The following SRRT variants were observed in gnomAD, a reference collection of about 807,000 sequenced individuals.
SRRT encodes the protein serrate RNA effector molecule homolog.
Under a neutral mutation model 103.2 loss-of-function variants are expected in SRRT, and 32 were observed. The ratio of observed to expected loss-of-function variants is 0.31; its 90% CI spans 0.23 to 0.42. The LOEUF (loss-of-function observed/expected upper bound fraction) is 0.42, where lower values mean the gene tolerates loss of function less well. SRRT is among the 10% of genes least tolerant of loss of function. The pLI is 1.00. For synonymous variants in SRRT, 525 were observed against 449.0 expected (o/e 1.17, Z -2.14); for missense variants, 986 against 1,207.5 (o/e 0.82, Z 2.72).
At position 100,885,463 on chromosome 7, in the gene SRRT, G is replaced by T; in HGVS notation, c.1317+93G>T. On this transcript the variant is annotated intron_variant, in intron 10 of 19. Transcript: ENST00000611405. This position sits in a 1 kb window ranked among gnomAD's most constrained non-coding sequence, Gnocchi z 4.8. ...GGCCCTGCCTGTGACAGATGCCCCC[G>T]TTTCACCTGCTAGGGAGGCCCCTTC... 1 of 1,188,042 alleles carries T rather than the reference G, an allele frequency of 8.4e-7. No homozygotes were observed. The highest frequency in any genetic ancestry group is 1.2e-6 in the Non-Finnish European group (1 of 866,710). The allele number at this position is 1,188,042 out of a possible 1,614,324, so 73.6% of individuals were successfully genotyped here. A position where few individuals can be genotyped will look rare whatever the true frequency, so the allele number is the denominator to read the frequency against.
intron 5 of SRRT, among the ~76,000 whole-genome samples, chr7:100,883,836 C>G (rs951272989): frequency 1.3e-5 from 2 of 152,212 alleles, no homozygotes; most frequent in Non-Finnish European, 2.9e-5. Context: ...TTCCCAAATC[C>G]AGAGCTCTTA....
At chr7:100,883,490 C>T (rs1789777543) in intron 5 of SRRT, among the ~76,000 whole-genome samples, 3 of 152,238 alleles carry the variant, frequency 2.0e-5, no homozygotes, top group Non-Finnish European at 4.4e-5. Context: ...ACCTGAGGCT[C>T]TAAAGGGCAC....
chr7:100,886,993 TG>T (rs1467720429), intron 14 of SRRT, 25 bp downstream of exon 14: 2 of 1,609,938 alleles, frequency 1.2e-6, no homozygotes, highest in Non-Finnish European at 1.7e-6. Context: ...GCGGGGCACG[TG>T]GGGGCTCGGG....
Position 100,886,273 on chromosome 7 carries a change from T to C in SRRT, c.1485T>C (p.Gly495=). The C allele has an allele frequency of 6.2e-7, 1 of 1,612,578 alleles. No individual in the cohort carries two copies. The highest frequency in any genetic ancestry group is 8.5e-7 in the Non-Finnish European group (1 of 1,179,944). ...TCCGGGAGTGTGAGCTGAGCCCTGG[T>C]GTGAACAGGGACCTGACCCGGCGCG... The part of the protein sequence containing the change: ...IRLRECELSP[G]VNRDLTRRVR... Residue 495 remains glycine, a synonymous_variant, in exon 13 of 20, where the codon GGT becomes GGC. Transcript: ENST00000611405.
intron 2 of SRRT, among the ~76,000 whole-genome samples, chr7:100,876,222 G>A (rs2115692239): frequency 1.3e-5 from 2 of 152,260 alleles, no homozygotes; most frequent in South Asian, 4.1e-4. Context: ...CGCAATCTTG[G>A]CTCACTGCAA....
intron 2 of SRRT, 188 bp downstream of exon 2, chr7:100,875,900 C>T (rs1015912836): frequency 2.1e-5 from 13 of 622,088 alleles, no homozygotes; most frequent in Non-Finnish European, 3.0e-5. Flanking sequence ...TTTTGAAATT[C>T]TCTGCAGATC....
intron 2 of SRRT, 51 bp from the exon 3 acceptor site, chr7:100,881,234 A>G (rs766678160): frequency 6.3e-7 from 1 of 1,579,046 alleles, no homozygotes. Context: ...GATTACAGGC[A>G]TGAGCCACTG....
chr7:100,880,722 G>A, intron 2 of SRRT: 1 of 436,996 alleles, frequency 2.3e-6, no homozygotes, highest in Non-Finnish European at 4.6e-6. Context: ...TGTCACCCGG[G>A]CTGAGTGCAC....
At position 100,887,753 on chromosome 7, in the gene SRRT, T is replaced by C; in HGVS notation, c.2220T>C (p.Ile740=). 1 of 1,613,536 alleles carries C rather than the reference T, an allele frequency of 6.2e-7. No homozygotes were observed. Among genetic ancestry groups the C allele is most frequent in the South Asian group, 1.1e-5 (1 of 91,066 alleles). ...TCTTCAACAAGCATGCAGAGAAAAT[T>C]GAGGAAGTGAAAAAGGAAGTCGCGT... ...KHIFNKHAEK[I]EEVKKEVAFF... is the part of the protein sequence containing the mutation. Residue 740 remains isoleucine, a synonymous_variant, in exon 17 of 20, where the codon ATT becomes ATC. Transcript: ENST00000611405. The surrounding 1 kb of genome is among the most constrained non-coding windows in gnomAD (Gnocchi z 4.1).
chr7:100,888,002 C>T (rs553804627), intron 17 of SRRT, 40 bp from the exon 18 acceptor site: 1 of 1,524,770 alleles, frequency 6.6e-7, no homozygotes. Context: ...CCGTATCCCC[C>T]TCCCCGCCCC....
At chr7:100,883,140 C>G (rs933229497) in intron 5 of SRRT, 1 of 152,494 alleles carries the variant, frequency 6.6e-6, no homozygotes, top group Non-Finnish European at 1.5e-5. Context: ...TCTTCTGCCC[C>G]ACTCGTGGTT....
Position 100,887,920 on chromosome 7 carries a change from T to C in SRRT, c.2326+61T>C. On this transcript the variant is annotated intron_variant, in intron 17 of 19. Transcript: ENST00000611405. This position sits in a 1 kb window ranked among gnomAD's most constrained non-coding sequence, Gnocchi z 4.1. ...TTCCTTGACTACCCAGGGACTCCTGTTTCTCTTTAACGTGTCACCCCGAGA... is the reference window on the plus strand; with the variant it reads ...TTCCTTGACTACCCAGGGACTCCTGCTTCTCTTTAACGTGTCACCCCGAGA... 6.4e-7 allele frequency: 1 copy of C among 1,563,248 alleles called. No individual in the cohort carries two copies. The highest frequency in any genetic ancestry group is 8.7e-7 in the Non-Finnish European group (1 of 1,150,634).
At position 100,888,238 on chromosome 7, in the gene SRRT, A is replaced by G. The variant is rs2115921462; in HGVS notation, c.2429-19A>G. On this transcript the variant is annotated intron_variant, in intron 18 of 19. Transcript: ENST00000611405. ...ATTGAGGACATAGTTTTGCAACTCAACACTGATCTCTGTCATAGCTGGTGC... is the reference window on the plus strand; with the variant it reads ...ATTGAGGACATAGTTTTGCAACTCAGCACTGATCTCTGTCATAGCTGGTGC... The G allele has an allele frequency of 6.2e-7, 1 of 1,605,590 alleles. No homozygotes were observed. The highest frequency in any genetic ancestry group is 8.5e-7 in the Non-Finnish European group (1 of 1,174,264).
rs1816306970 is a variant in SRRT at position 100,881,388 on chromosome 7, C to T, written c.226C>T (p.Pro76Ser). 1.2e-5 allele frequency: 19 copies of T among 1,613,788 alleles called. No homozygotes were observed. The highest frequency in any genetic ancestry group is 1.6e-5 in the Non-Finnish European group (19 of 1,179,784). Residue 76 changes from proline to serine, a missense_variant, in exon 3 of 20, where the codon CCA becomes TCA. Physicochemically the swap from Pro to Ser is moderately conservative, Grantham distance 74. Around this residue, in one of 6 missense-constraint regions of SRRT, gnomAD observed 274 missense variants for 358.5 expected, o/e 0.76. Coordinates refer to ENST00000611405, the MANE Select transcript of SRRT (RefSeq NM_015908.6). ...FSPPRHELSP[P>S]QKRMRRDWDE... is the part of the protein sequence containing the mutation. The stretch of plus-strand genomic sequence containing the variant: ...GCCACCTCGCCACGAACTCAGCCCG[C>T]CACAGAAGCGCATGAGGAGAGACTG...
Position 100,885,066 on chromosome 7 carries a change from TGC to T in SRRT, c.1159+28_1159+29del, listed in dbSNP as rs1563020810. 6.2e-7 allele frequency: 1 copy of T among 1,613,144 alleles called. No individual in the cohort carries two copies. The stretch of plus-strand genomic sequence containing the variant: ...GTAGGGTTTCTTTTCTGCTTTAAAG[TGC>T]GTTCTCCTAATGCGGGTGGGGAGGT... On this transcript the variant is annotated intron_variant, in intron 9 of 19. Coordinates refer to ENST00000611405, the MANE Select transcript of SRRT (RefSeq NM_015908.6). The surrounding 1 kb of genome is among the most constrained non-coding windows in gnomAD (Gnocchi z 4.8).
At position 100,887,079 on chromosome 7, in the gene SRRT, C is replaced by T. The variant is rs765305318; in HGVS notation, c.1854C>T (p.Ile618=). The T allele has an allele frequency of 2.4e-5, 39 of 1,614,122 alleles. No homozygotes were observed. The highest frequency in any genetic ancestry group is 1.6e-4 in the Middle Eastern group (1 of 6,084). Residue 618 remains isoleucine (I), a synonymous_variant, in exon 15 of 20, where the codon ATC becomes ATT. Coordinates refer to ENST00000611405, the MANE Select transcript of SRRT (RefSeq NM_015908.6). The surrounding 1 kb of genome is among the most constrained non-coding windows in gnomAD (Gnocchi z 4.1). ...ACAAGCTCCTCCTTTACCTGCGCAT[C>T]GTGCATTCCTTGGATTATTACAACA... ...VLDKLLLYLR[I]VHSLDYYNTC...
At chr7:100,877,683 G>A (rs1815880373) in intron 2 of SRRT, among the ~76,000 whole-genome samples, 1 of 151,638 alleles carries the variant, frequency 6.6e-6, no homozygotes, top group African/African-American at 2.4e-5. Flanking sequence ...CACTCTGCCT[G>A]GCTAATTTTT....
At chr7:100,876,262 C>T (rs910713691) in intron 2 of SRRT, among the ~76,000 whole-genome samples, 2 of 152,222 alleles carry the variant, frequency 1.3e-5, no homozygotes, top group Admixed American at 6.5e-5. Context: ...AGTAATTCTC[C>T]TGCCTCAGCC....
Position 100,888,374 on chromosome 7 carries a change from C to T in SRRT, c.2546C>T (p.Pro849Leu), listed in dbSNP as rs1380991569. 5 of 1,613,912 alleles carry T rather than the reference C, an allele frequency of 3.1e-6. No homozygotes were observed. Among genetic ancestry groups the T allele is most frequent in the Non-Finnish European group, 3.4e-6 (4 of 1,179,854 alleles). Residue 849 changes from proline (P) to leucine (L), a missense_variant, in exon 19 of 20, where the codon CCT becomes CTT. This residue lies in a region of SRRT where 178 missense variants were observed against 189.6 expected (regional missense o/e 0.94). Transcript: ENST00000611405. ...FRGQGGYPGK[P>L]RNRMVRGDPR... ...GGCCAGGGAGGTTATCCTGGGAAAC[C>T]TCGCAACAGGTGAGGAGGGCAGACG...
Sources: allele counts gnomAD v4.1 joint callset (sites outside exome capture counted in the v4.1 genomes callset), GRCh38; gene constraint gnomAD v4.1.1; regional missense constraint gnomAD v4.1.1; non-coding constraint Gnocchi (gnomAD v3.1); transcripts MANE v1.5; gene names NCBI Gene and HGNC (gene_info 2026-07-23, HGNC 2026-07-21).